Variants in MYH2 observed in about 807,000 individuals in gnomAD.
The protein encoded by MYH2 is myosin heavy chain 2.
A neutral mutation model predicts 228.1 loss-of-function variants in MYH2; 139 were observed. The observed-to-expected ratio is 0.61, with a 90% confidence interval of 0.53 to 0.70. MYH2 has a LOEUF of 0.70. Ranked by LOEUF, MYH2 falls within the 30% of genes least tolerant of loss-of-function variation. The pLI, the probability that MYH2 is intolerant of heterozygous loss-of-function variation, is 0.00. For synonymous variants in MYH2, 796 were observed against 871.1 expected (o/e 0.91, Z 1.52); for missense variants, 1,809 against 2,357.5 (o/e 0.77, Z 4.82).
At position 10,527,803 on chromosome 17, in the gene MYH2, C is replaced by T; in HGVS notation, c.3816G>A (p.Gln1272=). 3.1e-6 allele frequency: 5 copies of T among 1,614,120 alleles called. No individual in the cohort carries two copies. The highest frequency in any genetic ancestry group is 4.2e-6 in the Non-Finnish European group (5 of 1,180,038). The change falls in exon 28 of 40, where the codon CAG becomes CAA. Residue 1272 remains glutamine, a synonymous_variant. Coordinates refer to ENST00000245503, the MANE Select transcript of MYH2 (RefSeq NM_017534.6). ...LSELKSKEEE[Q]QRLINDLTAQ... ...CAGTCAGGTCATTGATCAGCCGCTG[C>T]TGCTCCTCTTCCTTTGATTTCAGTT...
chr17:10,546,278 T>TATATAC (rs1433204519), intron 4 of MYH2, among the ~76,000 whole-genome samples: 5 of 121,566 alleles, frequency 4.1e-5, no homozygotes, highest in African/African-American at 1.4e-4. Context: ...TATATATATA[T>TATATAC]ATATATATAT....
chr17:10,547,475 G>T lies in MYH2; in HGVS notation c.348C>A (p.Tyr116Ter). Residue 116 changes from tyrosine (Y) to a stop codon, truncating the protein, a stop_gained and splice_region_variant, in exon 4 of 40, where the codon TAC (tyrosine) becomes TAA (stop). Transcript: ENST00000245503. LOFTEE classifies it high-confidence loss of function. ...LKERYAAWMIYTYSGLFCVTV... is the reference protein window; with the variant it reads ...LKERYAAWMI Reference sequence around the variant, plus strand: ...CAGAGCACTGGCAGGGGACACTCACGTAGATCATCCAGGCTGCATAACGTT... The same window carrying T: ...CAGAGCACTGGCAGGGGACACTCACTTAGATCATCCAGGCTGCATAACGTT... The T allele has an allele frequency of 6.2e-7, 1 of 1,614,104 alleles. No homozygotes were observed.
intron 13 of MYH2, 44 bp from the exon 14 acceptor site, chr17:10,539,398 T>C (rs767903025): frequency 6.2e-7 from 1 of 1,614,200 alleles, no homozygotes; most frequent in Admixed American, 1.7e-5. Context: ...TAAAGGCCTA[T>C]GAAAATGCTT....
At chr17:10,539,791 C>A in intron 12 of MYH2, 137 bp downstream of exon 12, 1 of 1,340,848 alleles carries the variant, frequency 7.5e-7, no homozygotes, top group Non-Finnish European at 1.1e-6. Flanking sequence ...TCCCATTGCA[C>A]ATTATTTAGG....
chr17:10,546,297 A>ATTACAAT (rs1395732239), intron 4 of MYH2, among the ~76,000 whole-genome samples: 2 of 141,442 alleles, frequency 1.4e-5, no homozygotes, highest in African/African-American at 5.3e-5. Context: ...ATACATCATG[A>ATTACAAT]TTACAATAGG....
Position 10,537,523 on chromosome 17 carries a change from A to T in MYH2, c.1607T>A (p.Ile536Asn). ...LIEKPMGIFS[I>N]LEEECMFPKA... ...AGGGAACATGCACTCCTCTTCCAGGATGGAGAAGATGCCCATAGGCTAAAA... is the reference window on the plus strand; with the variant it reads ...AGGGAACATGCACTCCTCTTCCAGGTTGGAGAAGATGCCCATAGGCTAAAA... Residue 536 changes from isoleucine to asparagine, a missense_variant, in exon 16 of 40, where the codon ATC becomes AAC. By Grantham distance (149) the Ile-to-Asn change is moderately radical. Coordinates refer to ENST00000245503, the MANE Select transcript of MYH2 (RefSeq NM_017534.6). The surrounding 1 kb of genome is among the most constrained non-coding windows in gnomAD (Gnocchi z 4.0). The T allele has an allele frequency of 6.2e-7, 1 of 1,614,224 alleles. No homozygotes were observed. Among genetic ancestry groups the T allele is most frequent in the Non-Finnish European group, 8.5e-7 (1 of 1,180,036 alleles).
At chr17:10,545,297 G>A in intron 5 of MYH2, 49 bp downstream of exon 5, 1 of 1,611,796 alleles carries the variant, frequency 6.2e-7, no homozygotes, top group African/African-American at 1.3e-5. Flanking sequence ...TTTCTCCTAT[G>A]GTTCTGCTCT....
chr17:10,524,925 C>T lies in MYH2; in HGVS notation c.4803G>A (p.Glu1601=), dbSNP rs762530396. 1.9e-6 allele frequency: 3 copies of T among 1,614,176 alleles called. No individual in the cohort carries two copies. The East Asian group carries it at 6.7e-5, about 36-fold the overall frequency. ...CAGCATCCAGCGTGCTCTGCATGGACTCCACGATTCTAATGTGGTTTCTCT... is the reference window on the plus strand; with the variant it reads ...CAGCATCCAGCGTGCTCTGCATGGATTCCACGATTCTAATGTGGTTTCTCT... The part of the protein sequence containing the change: ...QLKRNHIRIV[E]SMQSTLDAEI... Residue 1601 remains glutamate, a synonymous_variant, in exon 34 of 40, where the codon GAG becomes GAA. Coordinates refer to ENST00000245503, the MANE Select transcript of MYH2 (RefSeq NM_017534.6). The surrounding 1 kb of genome is among the most constrained non-coding windows in gnomAD (Gnocchi z 4.7).
chr17:10,534,160 G>A (rs1428508787), intron 19 of MYH2, among the ~76,000 whole-genome samples: 1 of 152,158 alleles, frequency 6.6e-6, no homozygotes, highest in Non-Finnish European at 1.5e-5. Flanking sequence ...CCCCACCTCT[G>A]CCTTTTCTTT....
At chr17:10,528,628 G>C in intron 27 of MYH2, 62 bp downstream of exon 27, 1 of 1,612,288 alleles carries the variant, frequency 6.2e-7, no homozygotes. Context: ...AGTGCCCTGT[G>C]CAAACTATGA....
Position 10,523,463 on chromosome 17 carries a change from C to A in MYH2, c.5472+33G>T, listed in dbSNP as rs147243814. 1,100 of 1,614,184 alleles carry A rather than the reference C, an allele frequency of 6.8e-4. 9 individuals are homozygous for A. In the East Asian group the frequency reaches 0.01, roughly 15 times the overall value. On this transcript the variant is annotated intron_variant, in intron 37 of 39. Coordinates refer to ENST00000245503, the MANE Select transcript of MYH2 (RefSeq NM_017534.6). Reference sequence around the variant, plus strand: ...CTTTGATCCAATAAGGCACTGAAAGCAGATGGAAATAGACAGATATTGGGA... The same window carrying A: ...CTTTGATCCAATAAGGCACTGAAAGAAGATGGAAATAGACAGATATTGGGA...
rs560741797 is a variant in MYH2, at chr17:10,533,392, G to C, written c.2334C>G (p.Leu778=). The C allele has an allele frequency of 1.2e-6, 2 of 1,614,042 alleles. No individual in the cohort carries two copies. Among genetic ancestry groups the C allele is most frequent in the Non-Finnish European group, 1.7e-6 (2 of 1,180,034 alleles). The change falls in exon 21 of 40, where the codon CTC becomes CTG. Residue 778 remains leucine (L), a synonymous_variant. Transcript: ENST00000245503. ...GCTTGTCATCTCGCATCTCCTCTAG[G>C]AGCCCCAGAAGACCAGCTTTGAAAA... is the stretch of plus-strand genomic sequence containing the variant. ...KVFFKAGLLG[L]LEEMRDDKLA... is the part of the protein sequence containing the mutation.
Position 10,537,426 on chromosome 17 carries a change from C to T in MYH2, c.1704G>A (p.Lys568=), listed in dbSNP as rs749649950. 6.2e-7 allele frequency: 1 copy of T among 1,614,210 alleles called. No homozygotes were observed. Among genetic ancestry groups the T allele is most frequent in the South Asian group, 1.1e-5 (1 of 91,084 alleles). Residue 568 remains lysine, a synonymous_variant, in exon 16 of 40, where the codon AAG becomes AAA. Coordinates refer to ENST00000245503, the MANE Select transcript of MYH2 (RefSeq NM_017534.6). This position sits in a 1 kb window ranked among gnomAD's most constrained non-coding sequence, Gnocchi z 4.0. ...CGGCCTTGCCTTTGACCACCTTGGG[C>T]TTCTGGAAGTTGGCAGACTTGCCCA... ...QHLGKSANFQ[K]PKVVKGKAEA...
intron 4 of MYH2, among the ~76,000 whole-genome samples, chr17:10,546,256 G>GAT (rs71139049): frequency 0.014 from 916 of 66,070 alleles, 72 homozygotes; most frequent in African/African-American, 0.05. Flanking sequence ...GACACGAAAT[G>GAT]ATATATATAT....
intron 39 of MYH2, among the ~76,000 whole-genome samples, chr17:10,522,316 G>C (rs961511696): frequency 9.2e-5 from 14 of 152,104 alleles, no homozygotes; most frequent in Non-Finnish European, 1.8e-4. Flanking sequence ...TTTATTGATA[G>C]ATGTGTTTTA....
Position 10,529,629 on chromosome 17 carries a change from C to T in MYH2, c.3052G>A (p.Ala1018Thr), listed in dbSNP as rs902646014. 1.2e-6 allele frequency: 2 copies of T among 1,614,112 alleles called. No homozygotes were observed. Among genetic ancestry groups the T allele is most frequent in the Non-Finnish European group, 1.7e-6 (2 of 1,180,034 alleles). ...AGGGTGTTGACTTTGTCCTCCTCTG[C>T]CTGCAGGTCATCCAGGGTCTGCTGG... ...AHQQTLDDLQ[A>T]EEDKVNTLTK... Residue 1018 changes from alanine (A) to threonine (T), a missense_variant, in exon 24 of 40, where the codon GCA (alanine) becomes ACA (threonine). Coordinates refer to ENST00000245503, the MANE Select transcript of MYH2 (RefSeq NM_017534.6).
chr17:10,533,244 T>G, intron 21 of MYH2, 41 bp downstream of exon 21: 1 of 1,612,418 alleles, frequency 6.2e-7, no homozygotes, highest in Non-Finnish European at 8.5e-7. Context: ...TTCAAATATG[T>G]TTTTGAAGAT....
At chr17:10,545,256 C>G in intron 5 of MYH2, 90 bp downstream of exon 5, 2 of 1,608,632 alleles carry the variant, frequency 1.2e-6, no homozygotes, top group Non-Finnish European at 1.7e-6. Context: ...GGGACGATCT[C>G]AAGGAATGTG....
intron 39 of MYH2, 120 bp from the exon 40 acceptor site, chr17:10,521,552 A>G (rs987840116): frequency 5.7e-5 from 49 of 859,582 alleles, no homozygotes; most frequent in Non-Finnish European, 8.6e-5. Flanking sequence ...TATCATTGAA[A>G]TTAATTTTAA....
Sources: allele counts gnomAD v4.1 joint callset (sites outside exome capture counted in the v4.1 genomes callset), GRCh38; gene constraint gnomAD v4.1.1; non-coding constraint Gnocchi (gnomAD v3.1); transcripts MANE v1.5; gene names NCBI Gene and HGNC (gene_info 2026-07-23, HGNC 2026-07-21).